The following IKZF2 variants were observed in gnomAD, a reference collection of about 807,000 sequenced individuals.
The protein encoded by IKZF2 is IKAROS family zinc finger 2.
A neutral mutation model predicts 49.2 loss-of-function variants in IKZF2; 15 were observed. That is an observed-to-expected ratio of 0.30 (90% CI 0.20 to 0.47). IKZF2 has a LOEUF of 0.47. IKZF2 is among the 20% of genes least tolerant of loss of function. The pLI, the probability that IKZF2 is intolerant of heterozygous loss-of-function variation, is 1.00. For synonymous variants in IKZF2, 227 were observed against 221.4 expected, an observed-to-expected ratio of 1.03 and a Z score of -0.23; for missense variants, 567 against 664.6, an observed-to-expected ratio of 0.85 and a Z score of 1.61.
At chr2:213,116,224 T>C (rs1231114883) in intron 4 of IKZF2, among the ~76,000 whole-genome samples, 1 of 152,240 alleles carries the variant, frequency 6.6e-6, no homozygotes, top group African/African-American at 2.4e-5. Flanking sequence ...ATAATTATAA[T>C]GTATGTATGT....
At chr2:213,068,374 C>T (rs80110411) in intron 4 of IKZF2, among the ~76,000 whole-genome samples, 3,264 of 152,102 alleles carry the variant, frequency 0.021, 121 homozygotes, top group African/African-American at 0.074. Context: ...TACAAGTTAC[C>T]TTCTAAGGGG....
At chr2:213,136,370 C>CAAAAAA (rs11325415) in intron 4 of IKZF2, among the ~76,000 whole-genome samples, 22 of 53,212 alleles carry the variant, frequency 4.1e-4, no homozygotes, top group African/African-American at 7.8e-4. Flanking sequence ...GACACTGTCT[C>CAAAAAA]AAAAAAAAAA....
At chr2:213,137,610 T>G (rs1448716702) in intron 4 of IKZF2, among the ~76,000 whole-genome samples, 5 of 152,076 alleles carry the variant, frequency 3.3e-5, no homozygotes, top group Non-Finnish European at 7.4e-5. Flanking sequence ...AAGTAACAGA[T>G]GTATTGAAAA....
At chr2:213,080,179 G>GAGATAGATAGATAGATAGATAGAT (rs6147162) in intron 4 of IKZF2, among the ~76,000 whole-genome samples, 1,328 of 97,190 alleles carry the variant, frequency 0.014, 12 homozygotes, top group African/African-American at 0.025. Flanking sequence ...AATCTATATA[G>GAGATAGATAGATAGATAGATAGAT]AGATAGATAG....
chr2:213,066,160 T>C (rs559579625), intron 4 of IKZF2, among the ~76,000 whole-genome samples: 7 of 152,168 alleles, frequency 4.6e-5, no homozygotes, highest in South Asian at 4.2e-4. Flanking sequence ...ACCTAACTTC[T>C]GTAAGAAGTA....
chr2:213,051,981 A>G (rs1700717542), intron 5 of IKZF2, among the ~76,000 whole-genome samples: 1 of 151,984 alleles, frequency 6.6e-6, no homozygotes, highest in South Asian at 2.1e-4. Context: ...GAGTTGAAAT[A>G]TTTCAAAATC....
rs1694823353 is a variant in IKZF2 at position 213,000,670 on chromosome 2, C to T, written c.*6690G>A. 8.4e-6 allele frequency: 1 copy of T among 119,056 alleles called. No individual in the cohort carries two copies. The highest frequency in any genetic ancestry group is 1.9e-5 in the Non-Finnish European group (1 of 52,624). The allele number at this position is 119,056 out of a possible 1,614,324, so 7.4% of individuals were successfully genotyped here. ...TTAAATTTGTATGAAAACAGGACTG[C>T]TCCAAATATTTTTAAAAAAAATTTC... On this transcript the variant is annotated 3_prime_UTR_variant, in exon 9 of 9. Transcript: ENST00000434687.
chr2:213,090,822 A>G (rs759376257), intron 4 of IKZF2, among the ~76,000 whole-genome samples: 3 of 152,172 alleles, frequency 2.0e-5, no homozygotes, highest in Non-Finnish European at 4.4e-5. Flanking sequence ...GGGACATAGC[A>G]GATTCTCCCT....
intron 6 of IKZF2, among the ~76,000 whole-genome samples, chr2:213,031,072 C>T (rs577644943): frequency 6.1e-4 from 93 of 152,252 alleles, no homozygotes; most frequent in African/African-American, 2.2e-3. Flanking sequence ...GTGATCCGCC[C>T]GCCTCAGCCT....
chr2:213,136,474 T>A (rs368382476), intron 4 of IKZF2, among the ~76,000 whole-genome samples: 8 of 151,024 alleles, frequency 5.3e-5, no homozygotes, highest in African/African-American at 1.9e-4. Context: ...AGTAAAATAG[T>A]ATTCAATAAA....
chr2:213,124,729 T>C (rs780156965), intron 4 of IKZF2, among the ~76,000 whole-genome samples: 10 of 152,196 alleles, frequency 6.6e-5, no homozygotes, highest in Non-Finnish European at 1.3e-4. Flanking sequence ...AGTACCAGGT[T>C]TCATCTTTTC....
chr2:213,065,888 GA>G (rs1702114845), intron 4 of IKZF2, among the ~76,000 whole-genome samples: 1 of 152,078 alleles, frequency 6.6e-6, no homozygotes, highest in Admixed American at 6.6e-5. Flanking sequence ...TATACAATCT[GA>G]TATGTTTTTT....
chr2:213,120,176 C>T (rs112297735), intron 4 of IKZF2, among the ~76,000 whole-genome samples: 75 of 152,278 alleles, frequency 4.9e-4, no homozygotes, highest in African/African-American at 1.7e-3. Flanking sequence ...CACAGATGAA[C>T]AAGACATAGT....
At chr2:213,125,468 T>A (rs964256571) in intron 4 of IKZF2, among the ~76,000 whole-genome samples, 2 of 152,146 alleles carry the variant, frequency 1.3e-5, no homozygotes, top group Non-Finnish European at 2.9e-5. Context: ...TCTTCCCCCA[T>A]TCAGATGAAC....
intron 4 of IKZF2, among the ~76,000 whole-genome samples, chr2:213,110,508 A>G (rs927966896): frequency 6.6e-6 from 1 of 151,342 alleles, no homozygotes; most frequent in African/African-American, 2.4e-5. Flanking sequence ...CTTATTTTTT[A>G]TATACTTGCA....
intron 2 of IKZF2, among the ~76,000 whole-genome samples, chr2:213,149,609 C>T (rs182412103): frequency 6.6e-6 from 1 of 152,046 alleles, no homozygotes; most frequent in Admixed American, 6.6e-5. Flanking sequence ...ACTGCACCAG[C>T]AGCTAAATTA....
At chr2:213,053,628 G>A (rs1574644689) in intron 5 of IKZF2, among the ~76,000 whole-genome samples, 1 of 152,180 alleles carries the variant, frequency 6.6e-6, no homozygotes, top group East Asian at 1.9e-4. Flanking sequence ...TGAGTTACAA[G>A]ATGGGAGTAG....
At chr2:213,012,581 AG>A (rs1412753566) in intron 8 of IKZF2, among the ~76,000 whole-genome samples, 3 of 152,000 alleles carry the variant, frequency 2.0e-5, no homozygotes, top group African/African-American at 7.2e-5. Flanking sequence ...TGTATAACTC[AG>A]GGGCTTCAAC....
chr2:213,130,417 G>C (rs1044373345), intron 4 of IKZF2, among the ~76,000 whole-genome samples: 1 of 152,084 alleles, frequency 6.6e-6, no homozygotes, highest in Non-Finnish European at 1.5e-5. Flanking sequence ...ATGATCCTGA[G>C]AACACAGTAA....
Sources: allele counts gnomAD v4.1 joint callset (sites outside exome capture counted in the v4.1 genomes callset), GRCh38; gene constraint gnomAD v4.1.1; transcripts MANE v1.5; gene names NCBI Gene and HGNC (gene_info 2026-07-23, HGNC 2026-07-21).